Variants in KIAA1217 observed in about 807,000 individuals in gnomAD.
KIAA1217 encodes the protein KIAA1217.
KIAA1217 carries 88 observed loss-of-function variants against 163.9 expected under a neutral mutation model. The observed-to-expected ratio is 0.54, with a 90% confidence interval of 0.45 to 0.64. KIAA1217 has a LOEUF of 0.64. Among genes scored for constraint, KIAA1217 ranks in the 30% least tolerant of loss-of-function variants. The pLI, the probability that KIAA1217 is intolerant of heterozygous loss-of-function variation, is 0.00. For missense variants in KIAA1217, 2,372 were observed against 2,475.0 expected (o/e 0.96, Z 0.88); for synonymous variants, 903 against 923.1 (o/e 0.98, Z 0.39).
At chr10:23,849,262 G>C (rs1285323500) in intron 1 of KIAA1217, among the ~76,000 whole-genome samples, 1 of 152,068 alleles carries the variant, frequency 6.6e-6, no homozygotes, top group Non-Finnish European at 1.5e-5. Flanking sequence ...TTGGAAATGT[G>C]CTAGAAGCTT....
At chr10:24,236,319 C>T (rs942843596) in intron 2 of KIAA1217, among the ~76,000 whole-genome samples, 1 of 152,084 alleles carries the variant, frequency 6.6e-6, no homozygotes, top group African/African-American at 2.4e-5. Flanking sequence ...TGGGCAGTCT[C>T]GGCTCACTGG....
intron 2 of KIAA1217, among the ~76,000 whole-genome samples, chr10:24,100,308 A>T (rs2062360109): frequency 6.6e-6 from 1 of 152,188 alleles, no homozygotes; most frequent in South Asian, 2.1e-4. Flanking sequence ...TTCTGTGCAG[A>T]CAGCGACCCA....
chr10:23,840,739 C>T (rs1838734319), intron 1 of KIAA1217, among the ~76,000 whole-genome samples: 2 of 152,168 alleles, frequency 1.3e-5, no homozygotes, highest in African/African-American at 4.8e-5. Context: ...ACAGTACATT[C>T]TCCCGAATTC....
At chr10:24,372,837 T>A (rs2051875861) in intron 2 of KIAA1217, among the ~76,000 whole-genome samples, 2 of 152,190 alleles carry the variant, frequency 1.3e-5, no homozygotes, top group African/African-American at 4.8e-5. Context: ...TCCAAATTGT[T>A]TCAAGATTTA....
intron 2 of KIAA1217, among the ~76,000 whole-genome samples, chr10:24,146,188 A>C (rs1297874229): frequency 6.6e-6 from 1 of 152,204 alleles, no homozygotes; most frequent in Non-Finnish European, 1.5e-5. Context: ...TTGCTCAGAA[A>C]GATACAAAAG....
intron 2 of KIAA1217, among the ~76,000 whole-genome samples, chr10:24,271,222 T>C (rs1370353896): frequency 6.6e-6 from 1 of 152,200 alleles, no homozygotes; most frequent in Admixed American, 6.5e-5. Flanking sequence ...ACATAAAATA[T>C]GTCATTCTGA....
intron 3 of KIAA1217, among the ~76,000 whole-genome samples, chr10:24,385,538 G>A (rs3858212): frequency 6.6e-6 from 1 of 151,848 alleles, no homozygotes; most frequent in African/African-American, 2.4e-5. Flanking sequence ...CCTTTCTGAG[G>A]CTTAGAGCCT....
Position 23,831,454 on chromosome 10 carries a change from A to AT in KIAA1217, c.-321+136220_-321+136221insT, listed in dbSNP as rs200200697. 5.2e-3 allele frequency among the ~76,000 whole-genome samples: 793 copies of AT among 152,328 alleles called. 11 individuals are homozygous for AT. Among genetic ancestry groups the AT allele is most frequent in the African/African-American group, 0.017 (716 of 41,582 alleles). On this transcript the variant is annotated intron_variant, in intron 1 of 18. Coordinates refer to the KIAA1217 transcript ENST00000376462. The stretch of plus-strand genomic sequence containing the variant: ...ACAACTCGATAGCCCATTAAAAGAA[A>AT]GGGCAAATAACTTGAATAGACATTT...
At chr10:24,397,178 C>G (rs2055894876) in intron 3 of KIAA1217, among the ~76,000 whole-genome samples, 2 of 139,516 alleles carry the variant, frequency 1.4e-5, no homozygotes, top group South Asian at 2.3e-4. Flanking sequence ...ATGGTGCCAT[C>G]TTGGCTCACT....
chr10:24,478,405 G>A (rs561550816), intron 6 of KIAA1217, among the ~76,000 whole-genome samples: 1 of 152,308 alleles, frequency 6.6e-6, no homozygotes, highest in South Asian at 2.1e-4. Flanking sequence ...TGAGCATCTA[G>A]TAATAATAAA....
intron 1 of KIAA1217, among the ~76,000 whole-genome samples, chr10:23,816,352 G>C (rs367922909): frequency 6.6e-6 from 1 of 152,246 alleles, no homozygotes; most frequent in East Asian, 1.9e-4. Flanking sequence ...GAGTGCAGTG[G>C]TGCTATCTCG....
chr10:23,945,902 A>G (rs925625669), intron 1 of KIAA1217, among the ~76,000 whole-genome samples: 4 of 152,096 alleles, frequency 2.6e-5, no homozygotes, highest in South Asian at 2.1e-4. Flanking sequence ...TGCTCTATAT[A>G]TATCCTTCTA....
chr10:24,421,867 C>G (rs1053019210), intron 3 of KIAA1217, among the ~76,000 whole-genome samples: 3 of 152,122 alleles, frequency 2.0e-5, no homozygotes, highest in African/African-American at 4.8e-5. Context: ...ATTTGCTTTA[C>G]TAATATTTTA....
chr10:24,198,893 G>A (rs540664660), intron 2 of KIAA1217, among the ~76,000 whole-genome samples: 65 of 152,224 alleles, frequency 4.3e-4, no homozygotes, highest in Non-Finnish European at 6.0e-4. Context: ...AGTACTCTCC[G>A]AACTACTAGG....
chr10:23,864,646 G>C (rs1014108768), intron 1 of KIAA1217, among the ~76,000 whole-genome samples: 1 of 151,760 alleles, frequency 6.6e-6, no homozygotes, highest in Non-Finnish European at 1.5e-5. Flanking sequence ...CACATGAATA[G>C]GGCTTTTGTT....
At chr10:24,280,897 T>TA (rs1218690021) in intron 2 of KIAA1217, among the ~76,000 whole-genome samples, 1 of 151,856 alleles carries the variant, frequency 6.6e-6, no homozygotes, top group African/African-American at 2.4e-5. Flanking sequence ...AATTATCAAA[T>TA]ACTCTAGAGA....
chr10:23,930,623 G>A (rs114667041), intron 1 of KIAA1217, among the ~76,000 whole-genome samples: 1,795 of 152,282 alleles, frequency 0.012, 29 homozygotes, highest in African/African-American at 0.041. Flanking sequence ...GCTTGGAAAG[G>A]GCAATATGAG....
chr10:24,296,119 T>G (rs983815968), intron 2 of KIAA1217, among the ~76,000 whole-genome samples: 2 of 152,116 alleles, frequency 1.3e-5, no homozygotes, highest in Non-Finnish European at 2.9e-5. Flanking sequence ...TTTTTTCTTT[T>G]TGGAGACAGG....
At chr10:24,256,487 C>T (rs1401476998) in intron 2 of KIAA1217, among the ~76,000 whole-genome samples, 3 of 152,168 alleles carry the variant, frequency 2.0e-5, no homozygotes, top group African/African-American at 7.2e-5. Flanking sequence ...ATGCCTCATT[C>T]CATGTCTCTG....
Sources: gnomAD v4.1 joint callset for allele counts (sites outside exome capture counted in the v4.1 genomes callset) on GRCh38, gnomAD v4.1.1 for gene constraint, MANE v1.5 for transcripts, NCBI Gene and HGNC (gene_info 2026-07-23, HGNC 2026-07-21) for gene names.